Variants in GAB2 observed in about 807,000 individuals in gnomAD.
GAB2 encodes the protein GRB2-associated-binding protein 2.
A neutral mutation model predicts 65.5 loss-of-function variants in GAB2; 26 were observed. The observed-to-expected ratio is 0.40, with a 90% CI of 0.29 to 0.55. The LOEUF (loss-of-function observed/expected upper bound fraction) is 0.55. Ranked by LOEUF, GAB2 falls within the 20% of genes least tolerant of loss-of-function variation. GAB2 has a pLI of 0.53. For missense variants in GAB2, 884 were observed against 875.8 expected (o/e 1.01, Z -0.12); for synonymous variants, 321 against 329.6 (o/e 0.97, Z 0.28).
intron 1 of GAB2, among the ~76,000 whole-genome samples, chr11:78,403,344 T>C (rs980059442): frequency 6.6e-6 from 1 of 152,276 alleles, no homozygotes; most frequent in Admixed American, 6.5e-5. Flanking sequence ...CAATACTATG[T>C]AAGTTTAAAA....
intron 1 of GAB2, among the ~76,000 whole-genome samples, chr11:78,334,627 C>T (rs949248698): frequency 6.6e-6 from 1 of 152,212 alleles, no homozygotes; most frequent in African/African-American, 2.4e-5. Flanking sequence ...TGTATAAGTA[C>T]CACATTTTCT....
At chr11:78,407,671 A>AAGAAAGAAAGAAAGAGATGGC (rs1555001694) in intron 1 of GAB2, among the ~76,000 whole-genome samples, 6 of 147,264 alleles carry the variant, frequency 4.1e-5, no homozygotes, top group African/African-American at 1.6e-4. Flanking sequence ...GAAAGAAAGA[A>AAGAAAGAAAGAAAGAGATGGC]AGAAAGAAAG....
intron 1 of GAB2, among the ~76,000 whole-genome samples, chr11:78,342,450 C>T (rs1856113648): frequency 6.9e-6 from 1 of 144,930 alleles, no homozygotes; most frequent in Non-Finnish European, 1.5e-5. Flanking sequence ...CGCTTTGTCG[C>T]CCAGGCTGGA....
At chr11:78,263,231 G>A (rs987906700) in intron 2 of GAB2, among the ~76,000 whole-genome samples, 2 of 152,180 alleles carry the variant, frequency 1.3e-5, no homozygotes, top group Admixed American at 1.3e-4. Flanking sequence ...AGATAAGCTA[G>A]TTTGAAGAGC....
chr11:78,300,092 C>T (rs1866951627), intron 1 of GAB2, among the ~76,000 whole-genome samples: 3 of 152,186 alleles, frequency 2.0e-5, no homozygotes, highest in African/African-American at 7.2e-5. Flanking sequence ...AAAGAGTTCC[C>T]CTGTGCCCTT....
intron 2 of GAB2, among the ~76,000 whole-genome samples, chr11:78,256,878 G>C (rs1390492461): frequency 6.6e-6 from 1 of 152,150 alleles, no homozygotes; most frequent in Non-Finnish European, 1.5e-5. Flanking sequence ...CTGTGTAACT[G>C]ACCTTCCTAA....
At chr11:78,241,584 TG>T (rs1865136257) in intron 3 of GAB2, among the ~76,000 whole-genome samples, 1 of 146,734 alleles carries the variant, frequency 6.8e-6, no homozygotes, top group African/African-American at 2.5e-5. Context: ...ATTCACAATA[TG>T]AACAAAAAAA....
intron 1 of GAB2, among the ~76,000 whole-genome samples, chr11:78,398,339 T>A (rs1468630445): frequency 1.3e-5 from 2 of 152,214 alleles, no homozygotes; most frequent in Non-Finnish European, 2.9e-5. Context: ...AGGCCTGCAC[T>A]GTATACAACA....
intron 1 of GAB2, among the ~76,000 whole-genome samples, chr11:78,346,691 AT>A (rs1591055411): frequency 1.0e-5 from 1 of 98,314 alleles, no homozygotes; most frequent in African/African-American, 4.1e-5. Flanking sequence ...ATATATATAT[AT>A]ATATATATAT....
chr11:78,234,987 G>C (rs1032011220), intron 3 of GAB2, among the ~76,000 whole-genome samples: 2 of 152,000 alleles, frequency 1.3e-5, no homozygotes, highest in Admixed American at 1.3e-4. Flanking sequence ...TCCAGCCCGG[G>C]AGACAGAGCG....
chr11:78,384,923 A>T (rs550656797), intron 1 of GAB2, among the ~76,000 whole-genome samples: 212 of 152,316 alleles, frequency 1.4e-3, no homozygotes, highest in African/African-American at 3.8e-3. Flanking sequence ...ACATTTGAAG[A>T]CATGGCTGTG....
intron 1 of GAB2, among the ~76,000 whole-genome samples, chr11:78,346,711 ATATATATAT>A (rs1565168249): frequency 1.7e-5 from 1 of 60,240 alleles, no homozygotes; most frequent in African/African-American, 9.0e-5. Context: ...ATATATATAT[ATATATATAT>A]AATTTTTTTT....
intron 1 of GAB2, among the ~76,000 whole-genome samples, chr11:78,413,563 C>T (rs1013971164): frequency 1.3e-5 from 2 of 152,082 alleles, no homozygotes; most frequent in Non-Finnish European, 2.9e-5. Context: ...AGTAGGTTTC[C>T]ACTGGAGCCG....
intron 1 of GAB2, among the ~76,000 whole-genome samples, chr11:78,319,566 T>C (rs1240927100): frequency 6.6e-6 from 1 of 152,198 alleles, no homozygotes; most frequent in Admixed American, 6.5e-5. Context: ...TGGCTCTTGA[T>C]AGAACCAGAC....
intron 8 of GAB2, among the ~76,000 whole-genome samples, chr11:78,221,080 G>C (rs1006441): frequency 0.18 from 27,695 of 152,056 alleles, 2,802 homozygotes; most frequent in East Asian, 0.39. Context: ...ATCCAGGCTC[G>C]TGCTCTAGCA....
chr11:78,400,772 G>A (rs1200445726), intron 1 of GAB2, among the ~76,000 whole-genome samples: 1 of 151,850 alleles, frequency 6.6e-6, no homozygotes, highest in Non-Finnish European at 1.5e-5. Flanking sequence ...AGGCATAGTG[G>A]TGCAGCCTGT....
At chr11:78,409,206 G>T (rs1857093356) in intron 1 of GAB2, among the ~76,000 whole-genome samples, 1 of 152,108 alleles carries the variant, frequency 6.6e-6, no homozygotes, top group African/African-American at 2.4e-5. Flanking sequence ...CAGAGCAAAA[G>T]AAATTACCAG....
At position 78,260,119 on chromosome 11, in the gene GAB2, C is replaced by T. The variant is rs577595225; in HGVS notation, c.377-9719G>A. Among the ~76,000 whole-genome samples, 193 of 152,086 alleles carry T rather than the reference C, an allele frequency of 1.3e-3. 1 individual carries two copies. The highest frequency in any genetic ancestry group is 4.2e-3 in the African/African-American group (173 of 41,488). On this transcript the variant is annotated intron_variant, in intron 2 of 9. Coordinates refer to ENST00000361507, the MANE Select transcript of GAB2 (RefSeq NM_080491.3). ...CCTAATGTTTATAAGAACTATAAAG[C>T]GGAGGAAGAAAAAAGAAAAGACAGA... is the stretch of plus-strand genomic sequence containing the variant.
At chr11:78,268,994 A>C (rs1331967282) in intron 2 of GAB2, among the ~76,000 whole-genome samples, 2 of 152,086 alleles carry the variant, frequency 1.3e-5, no homozygotes, top group Non-Finnish European at 2.9e-5. Context: ...TGGAGGAGGA[A>C]GGCCTGATAT....
Sources: gnomAD v4.1 joint callset for allele counts (sites outside exome capture counted in the v4.1 genomes callset) on GRCh38, gnomAD v4.1.1 for gene constraint, MANE v1.5 for transcripts, NCBI Gene and HGNC (gene_info 2026-07-23, HGNC 2026-07-21) for gene names.